Variants in SEMA3A observed in about 807,000 individuals in gnomAD.
The protein encoded by SEMA3A is semaphorin 3A.
A neutral mutation model predicts 97.9 loss-of-function variants in SEMA3A; 29 were observed. That is an observed-to-expected ratio of 0.30 (90% CI 0.22 to 0.40). The LOEUF is 0.40. Among genes scored for constraint, SEMA3A ranks in the 10% least tolerant of loss-of-function variants. The pLI, the probability that SEMA3A is intolerant of heterozygous loss-of-function variation, is 1.00. For synonymous variants in SEMA3A, 321 were observed against 323.7 expected (o/e 0.99, Z 0.09); for missense variants, 763 against 951.3 (o/e 0.80, Z 2.60).
At chr7:84,267,715 A>T (rs1182965451) in intron 3 of SEMA3A, among the ~76,000 whole-genome samples, 1 of 152,124 alleles carries the variant, frequency 6.6e-6, no homozygotes, top group South Asian at 2.1e-4. Context: ...ATGGTCATTT[A>T]CATGTCTAAA....
chr7:84,230,339 A>AT (rs947322934), intron 3 of SEMA3A, among the ~76,000 whole-genome samples: 34 of 152,034 alleles, frequency 2.2e-4, no homozygotes, highest in Admixed American at 2.1e-3. Flanking sequence ...ATATTCTGAT[A>AT]TTTTTTAAAT....
intron 5 of SEMA3A, among the ~76,000 whole-genome samples, chr7:84,048,038 T>G (rs1583869189): frequency 6.6e-6 from 1 of 152,008 alleles, no homozygotes; most frequent in East Asian, 1.9e-4. Flanking sequence ...GATATGAATC[T>G]TATCTTGAAA....
At chr7:84,462,606 A>G (rs1207549580) in intron 1 of SEMA3A, among the ~76,000 whole-genome samples, 1 of 152,128 alleles carries the variant, frequency 6.6e-6, no homozygotes, top group Non-Finnish European at 1.5e-5. Flanking sequence ...TTAATTAGTC[A>G]TGTTCCTTAG....
intron 3 of SEMA3A, among the ~76,000 whole-genome samples, chr7:84,239,313 A>G (rs1449269601): frequency 3.3e-5 from 5 of 152,190 alleles, no homozygotes; most frequent in Admixed American, 2.0e-4. Flanking sequence ...TTTATCTAAA[A>G]CAATCAAGCA....
At chr7:84,241,120 C>T (rs544312411) in intron 3 of SEMA3A, among the ~76,000 whole-genome samples, 2 of 152,276 alleles carry the variant, frequency 1.3e-5, no homozygotes, top group East Asian at 3.9e-4. Flanking sequence ...GGTATATACC[C>T]AGTAATGGGG....
chr7:84,326,035 T>C (rs191836472), intron 2 of SEMA3A, among the ~76,000 whole-genome samples: 38 of 152,196 alleles, frequency 2.5e-4, no homozygotes, highest in African/African-American at 8.7e-4. Context: ...ATTTCACTTA[T>C]CATAATGTCT....
rs143457200 is a variant in SEMA3A, at chr7:84,188,624, C to T, written c.112+5851G>A. On this transcript the variant is annotated intron_variant, in intron 1 of 16. Coordinates refer to ENST00000265362, the MANE Select transcript of SEMA3A (RefSeq NM_006080.3). Reference sequence around the variant, plus strand: ...CAGGCTACTTCATTCTTGGTAAGCACACATCATATAATATGTGATACTTAA... The same window carrying T: ...CAGGCTACTTCATTCTTGGTAAGCATACATCATATAATATGTGATACTTAA... 8.7e-4 allele frequency among the ~76,000 whole-genome samples: 132 copies of T among 151,990 alleles called. 2 individuals carry two copies. The highest frequency in any genetic ancestry group is 3.3e-3 in the South Asian group (16 of 4,824).
chr7:84,477,232 T>G (rs1414562269), intron 1 of SEMA3A, among the ~76,000 whole-genome samples: 3 of 149,388 alleles, frequency 2.0e-5, no homozygotes, highest in African/African-American at 7.3e-5. Flanking sequence ...AGGTCAGGAG[T>G]TCAAGACCAG....
chr7:84,355,806 T>C (rs960422681), intron 2 of SEMA3A, among the ~76,000 whole-genome samples: 4 of 151,910 alleles, frequency 2.6e-5, no homozygotes, highest in African/African-American at 9.7e-5. Context: ...GAGTTAATGT[T>C]GTAATAAAAG....
At chr7:84,373,998 G>T (rs1436861456) in intron 1 of SEMA3A, among the ~76,000 whole-genome samples, 2 of 152,134 alleles carry the variant, frequency 1.3e-5, no homozygotes, top group Non-Finnish European at 2.9e-5. Context: ...TGAAGAAAGG[G>T]CCCAGCTAAA....
At chr7:84,321,571 C>A (rs1322644572) in intron 2 of SEMA3A, among the ~76,000 whole-genome samples, 1 of 151,972 alleles carries the variant, frequency 6.6e-6, no homozygotes, top group East Asian at 1.9e-4. Context: ...ATACTAGGTA[C>A]TAGTCCATTT....
intron 1 of SEMA3A, among the ~76,000 whole-genome samples, chr7:84,411,723 G>A (rs948382086): frequency 6.6e-6 from 1 of 151,656 alleles, no homozygotes; most frequent in Non-Finnish European, 1.5e-5. Flanking sequence ...AAATTTTTTG[G>A]CATTTTTTAT....
intron 2 of SEMA3A, among the ~76,000 whole-genome samples, chr7:84,131,096 C>A (rs1795949141): frequency 6.6e-6 from 1 of 151,460 alleles, no homozygotes; most frequent in Non-Finnish European, 1.5e-5. Flanking sequence ...TCCAGAGTTC[C>A]AGGGTTAATA....
intron 1 of SEMA3A, among the ~76,000 whole-genome samples, chr7:84,421,876 TGTG>T (rs1206192189): frequency 6.6e-6 from 1 of 151,936 alleles, no homozygotes; most frequent in Non-Finnish European, 1.5e-5. Context: ...CTGACTTGAT[TGTG>T]GTGGATAAGG....
chr7:84,387,300 A>G (rs1187685011), intron 1 of SEMA3A, among the ~76,000 whole-genome samples: 1 of 152,130 alleles, frequency 6.6e-6, no homozygotes, highest in Non-Finnish European at 1.5e-5. Context: ...AAATAAATAG[A>G]TAGATAATAA....
At chr7:84,229,815 C>T (rs80182575) in intron 3 of SEMA3A, among the ~76,000 whole-genome samples, 3,773 of 151,972 alleles carry the variant, frequency 0.025, 171 homozygotes, top group African/African-American at 0.087. Flanking sequence ...AGTCAACAAG[C>T]GTGCCCAATT....
At chr7:84,176,180 C>T (rs1797560257) in intron 1 of SEMA3A, among the ~76,000 whole-genome samples, 1 of 152,084 alleles carries the variant, frequency 6.6e-6, no homozygotes, top group Admixed American at 6.6e-5. Flanking sequence ...TTTCAGTTGA[C>T]AGAAATCATG....
intron 3 of SEMA3A, among the ~76,000 whole-genome samples, chr7:84,117,660 C>G (rs1319879383): frequency 6.6e-6 from 1 of 152,184 alleles, no homozygotes; most frequent in Non-Finnish European, 1.5e-5. Context: ...ATCTGATGAT[C>G]TTTGGTGGAA....
rs753094104 is a variant in SEMA3A at position 84,011,172 on chromosome 7, T to C, written c.925+11A>G. On this transcript the variant is annotated intron_variant, in intron 8 of 16. Coordinates refer to ENST00000265362, the MANE Select transcript of SEMA3A (RefSeq NM_006080.3). ...ACAAATATTCTCTATACATAAACAC[T>C]AGCTTCTTACGCAGTTCATCAAAAT... The C allele has an allele frequency of 1.9e-6, 3 of 1,606,758 alleles. No homozygotes were observed. Among genetic ancestry groups the C allele is most frequent in the Non-Finnish European group, 2.6e-6 (3 of 1,173,484 alleles).
Sources: gnomAD v4.1 joint callset for allele counts (sites outside exome capture counted in the v4.1 genomes callset) on GRCh38, gnomAD v4.1.1 for gene constraint, MANE v1.5 for transcripts, NCBI Gene and HGNC (gene_info 2026-07-23, HGNC 2026-07-21) for gene names.